Variants in ACSM5 observed in about 807,000 individuals in gnomAD.
ACSM5 encodes acyl-CoA synthetase medium chain family member 5, also known as acyl-coenzyme A synthetase ACSM5, mitochondrial.
A neutral mutation model predicts 71.6 loss-of-function variants in ACSM5; 56 were observed. The ratio of observed to expected loss-of-function variants is 0.78; its 90% CI spans 0.63 to 0.98. ACSM5 has a LOEUF of 0.98. Among genes scored for constraint, ACSM5 ranks in the 50% least tolerant of loss-of-function variants. The probability of loss-of-function intolerance (pLI) is 0.00; values close to 1 mark genes in which losing one functional copy is unlikely to be tolerated. For missense variants in ACSM5, 723 were observed against 726.0 expected, an observed-to-expected ratio of 1.00 and a Z score of 0.05; for synonymous variants, 285 against 281.5, an observed-to-expected ratio of 1.01 and a Z score of -0.12.
At chr16:20,433,787 C>T (rs1967144811) in intron 10 of ACSM5, among the ~76,000 whole-genome samples, 1 of 151,888 alleles carries the variant, frequency 6.6e-6, no homozygotes, top group South Asian at 2.1e-4. Context: ...GATCCTCCCA[C>T]CTCAGCCTCC....
At chr16:20,418,029 C>CTTTTTTTTTT in intron 2 of ACSM5, 30 bp from the exon 3 acceptor site, 2 of 1,550,600 alleles carry the variant, frequency 1.3e-6, no homozygotes, top group Admixed American at 1.9e-5. Context: ...TAAATTGCTT[C>CTTTTTTTTTT]TTTTTTTTTC....
chr16:20,440,694 C>A lies in ACSM5; in HGVS notation c.*267C>A. On this transcript the variant is annotated 3_prime_UTR_variant, in exon 14 of 14. Coordinates refer to ENST00000331849, the MANE Select transcript of ACSM5 (RefSeq NM_017888.3). ...GTCTGGGGGCAGGCTCAGCATCTGC[C>A]CACTGGTCTCACTAAGAGCTTTCAG... 2.5e-6 allele frequency: 1 copy of A among 400,518 alleles called. No homozygotes were observed. Among genetic ancestry groups the A allele is most frequent in the South Asian group, 3.3e-5 (1 of 30,094 alleles). 24.8% of individuals were successfully genotyped at this position (400,518 alleles called of 1,614,324 possible).
chr16:20,439,463 G>T (rs1289672673), intron 12 of ACSM5, among the ~76,000 whole-genome samples: 1 of 151,768 alleles, frequency 6.6e-6, no homozygotes, highest in African/African-American at 2.4e-5. Context: ...GAAGAAAATG[G>T]CCCTAGGAGT....
Position 20,430,103 on chromosome 16 carries a change from A to G in ACSM5, c.1125+302A>G, listed in dbSNP as rs191587019. Among the ~76,000 whole-genome samples the G allele has an allele frequency of 8.2e-4, 125 of 152,150 alleles. 1 individual carries two copies. The highest frequency in any genetic ancestry group is 2.7e-3 in the African/African-American group (113 of 41,500). On this transcript the variant is annotated intron_variant, in intron 8 of 13. Coordinates refer to ENST00000331849, the MANE Select transcript of ACSM5 (RefSeq NM_017888.3). Reference sequence around the variant, plus strand: ...AAACTACGTATTGGGTATAATGTACACTACTCAGCTTACAGATGCACTAAA... The same window carrying G: ...AAACTACGTATTGGGTATAATGTACGCTACTCAGCTTACAGATGCACTAAA...
chr16:20,421,298 C>T lies in ACSM5; in HGVS notation c.664C>T (p.Arg222Ter), dbSNP rs543757679. 9 of 1,606,584 alleles carry T rather than the reference C, an allele frequency of 5.6e-6. No homozygotes were observed. Among genetic ancestry groups the T allele is most frequent in the African/African-American group, 1.3e-5 (1 of 74,604 alleles). Residue 222 changes from arginine to a stop codon, truncating the protein, a stop_gained, in exon 5 of 14, where the codon CGA (arginine) becomes TGA (stop). Transcript: ENST00000331849. LOFTEE classifies it high-confidence loss of function. Reference sequence around the variant, plus strand: ...GCACAACTGCATGAGGACAAAGAGTCGAGACCCGCTGGCCATCTACTTTAC... The same window carrying T: ...GCACAACTGCATGAGGACAAAGAGTTGAGACCCGCTGGCCATCTACTTTAC... ...TEHNCMRTKS[R>*]DPLAIYFTSG...
At chr16:20,409,715 C>G (rs890873832) in intron 1 of ACSM5, 50 bp downstream of exon 1, 1 of 152,068 alleles carries the variant, frequency 6.6e-6, no homozygotes, top group African/African-American at 2.4e-5. Context: ...GCCTCTGAGG[C>G]CTTTGCTGAT....
chr16:20,410,582 A>C (rs1251773712), intron 1 of ACSM5, among the ~76,000 whole-genome samples: 6 of 152,078 alleles, frequency 3.9e-5, no homozygotes, highest in African/African-American at 1.4e-4. Context: ...AACTTTTTAA[A>C]AGTTAGCCAC....
intron 7 of ACSM5, among the ~76,000 whole-genome samples, chr16:20,429,099 C>T (rs576209049): frequency 9.9e-5 from 15 of 152,242 alleles, no homozygotes; most frequent in Admixed American, 8.5e-4. Flanking sequence ...CAACATCTGC[C>T]TCCCAGGTTC....
intron 2 of ACSM5, 119 bp from the exon 3 acceptor site, chr16:20,417,940 C>A (rs568741016): frequency 3.0e-4 from 299 of 996,028 alleles, no homozygotes; most frequent in Non-Finnish European, 4.0e-4. Flanking sequence ...TTCCATATTG[C>A]TTTGCTTTTT....
rs1391612049 is a variant in ACSM5 at position 20,441,032 on chromosome 16, A to G, written c.*605A>G. On this transcript the variant is annotated 3_prime_UTR_variant, in exon 14 of 14. Coordinates refer to ENST00000331849, the MANE Select transcript of ACSM5 (RefSeq NM_017888.3). ...TGATTAACAAAATTGTAGTAGATTA[A>G]CTCAATTACATATGATGTAGCCACT... 6.6e-6 allele frequency: 1 copy of G among 152,236 alleles called. No homozygotes were observed. The highest frequency in any genetic ancestry group is 1.5e-5 in the Non-Finnish European group (1 of 68,086). 9.4% of individuals were successfully genotyped at this position (152,236 alleles called of 1,614,324 possible). A position where few individuals can be genotyped will look rare whatever the true frequency, so the allele number is the denominator to read the frequency against.
chr16:20,430,961 G>T lies in ACSM5; in HGVS notation c.1126-32G>T, dbSNP rs574993511. The T allele has an allele frequency of 1.9e-5, 29 of 1,548,568 alleles. No homozygotes were observed. The South Asian group carries it at 3.3e-4, about 18-fold the overall frequency. ...CCCAGGAAAGAAGCTAAGTGGAAAG[G>T]CTCTTCTTTATCTGTACTGCGTTCT... On this transcript the variant is annotated intron_variant, in intron 8 of 13. Transcript: ENST00000331849.
chr16:20,413,939 G>A (rs1966852032), intron 2 of ACSM5, among the ~76,000 whole-genome samples: 2 of 152,134 alleles, frequency 1.3e-5, no homozygotes, highest in African/African-American at 4.8e-5. Context: ...AGATATCTCA[G>A]TGGCCACACA....
Position 20,421,335 on chromosome 16 carries a change from C to T in ACSM5, c.701C>T (p.Thr234Ile), listed in dbSNP as rs1411118164. 1 of 1,610,026 alleles carries T rather than the reference C, an allele frequency of 6.2e-7. No individual in the cohort carries two copies. Among genetic ancestry groups the T allele is most frequent in the South Asian group, 1.1e-5 (1 of 90,326 alleles). The stretch of plus-strand genomic sequence containing the variant: ...GCCATCTACTTTACCAGCGGAACCA[C>T]CGGGGCCCCCAAGATGGTCGAGCAC... Reference protein sequence around the residue: ...PLAIYFTSGTTGAPKMVEHSQ... With the variant: ...PLAIYFTSGTIGAPKMVEHSQ... The change falls in exon 5 of 14, where the codon ACC becomes ATC. Residue 234 changes from threonine to isoleucine, a missense_variant. Physicochemically the swap from Thr to Ile is moderately conservative, Grantham distance 89 (BLOSUM62 -1). Transcript: ENST00000331849.
Position 20,427,854 on chromosome 16 carries a change from G to A in ACSM5, c.988G>A (p.Glu330Lys). ...AACCATCTTTCGGCTGCTTGTGCAG[G>A]AGGATCTGACCAGGTACAGCCCGTC... is the stretch of plus-strand genomic sequence containing the variant. ...VPTIFRLLVQ[E>K]DLTRYQFQSL... The change falls in exon 7 of 14, where the codon GAG becomes AAG. Residue 330 changes from glutamate to lysine, a missense_variant. By Grantham distance (56) the Glu-to-Lys change is moderately conservative (BLOSUM62 1). Coordinates refer to ENST00000331849, the MANE Select transcript of ACSM5 (RefSeq NM_017888.3). The A allele has an allele frequency of 4.3e-6, 7 of 1,613,720 alleles. No individual in the cohort carries two copies. Among genetic ancestry groups the A allele is most frequent in the Non-Finnish European group, 5.1e-6 (6 of 1,179,710 alleles).
intron 9 of ACSM5, 30 bp downstream of exon 9, chr16:20,431,103 C>G: frequency 1.9e-6 from 3 of 1,607,626 alleles, no homozygotes; most frequent in Non-Finnish European, 1.7e-6. Context: ...TCTGGCAAGG[C>G]CTGGCATGGA....
In ACSM5 at chr16:20,440,344, G is replaced by T; in HGVS notation, c.1657G>T (p.Val553Leu). ...VTAPYKYPRKVAFVSELPKTV... is the reference protein window; with the variant it reads ...VTAPYKYPRKLAFVSELPKTV... ...TTTTTGTTTTGTGTTTGGTCACTAGGTGGCCTTTGTTTCAGAACTGCCAAA... is the reference window on the plus strand; with the variant it reads ...TTTTTGTTTTGTGTTTGGTCACTAGTTGGCCTTTGTTTCAGAACTGCCAAA... Residue 553 changes from valine to leucine, a missense_variant and splice_region_variant, in exon 14 of 14, where the codon GTG becomes TTG. By Grantham distance (32) the Val-to-Leu change is conservative. Transcript: ENST00000331849. 6.4e-7 allele frequency: 1 copy of T among 1,555,238 alleles called. No individual in the cohort carries two copies. The highest frequency in any genetic ancestry group is 8.9e-7 in the Non-Finnish European group (1 of 1,125,900).
intron 10 of ACSM5, among the ~76,000 whole-genome samples, chr16:20,431,951 A>ATAAGAATAATAATAAT: frequency 7.1e-6 from 1 of 141,508 alleles, no homozygotes; most frequent in Non-Finnish European, 1.5e-5. Context: ...TATCAAAAAA[A>ATAAGAATAATAATAAT]AAAAATAATA....
chr16:20,418,103 C>T lies in ACSM5; in HGVS notation c.249C>T (p.Gly83=), dbSNP rs1421220310. ...ATCCTGCCTTCTGGTGGGTCAATGGCACAGGAGCAGAGATCAAGTGGAGCT... is the reference window on the plus strand; with the variant it reads ...ATCCTGCCTTCTGGTGGGTCAATGGTACAGGAGCAGAGATCAAGTGGAGCT... ...PPNPAFWWVN[G]TGAEIKWSFE... is the part of the protein sequence containing the mutation. The change falls in exon 3 of 14, where the codon GGC becomes GGT. Residue 83 remains glycine, a synonymous_variant. Coordinates refer to ENST00000331849, the MANE Select transcript of ACSM5 (RefSeq NM_017888.3). The T allele has an allele frequency of 6.2e-7, 1 of 1,613,848 alleles. No individual in the cohort carries two copies. The highest frequency in any genetic ancestry group is 8.5e-7 in the Non-Finnish European group (1 of 1,179,968).
In ACSM5 at chr16:20,437,116, G is replaced by A. The variant is rs141553052; in HGVS notation, c.1373G>A (p.Arg458His). 5.6e-5 allele frequency: 91 copies of A among 1,614,178 alleles called. No individual in the cohort carries two copies. In the Middle Eastern group the frequency reaches 1.2e-3, roughly 20 times the overall value. ...TTTTACATCACAGGGGACCGAGCTC[G>A]CATGGACAAGGATGGCTACTTTTGG... ...GDFYITGDRA[R>H]MDKDGYFWFM... Residue 458 changes from arginine (R) to histidine (H), a missense_variant, in exon 11 of 14, where the codon CGC (arginine) becomes CAC (histidine). Arg to His is a conservative substitution (Grantham distance 29, BLOSUM62 0). Transcript: ENST00000331849.
Sources: gnomAD v4.1 joint callset for allele counts (sites outside exome capture counted in the v4.1 genomes callset) on GRCh38, gnomAD v4.1.1 for gene constraint, MANE v1.5 for transcripts, NCBI Gene and HGNC (gene_info 2026-07-23, HGNC 2026-07-21) for gene names.